MYT1L: variants seen among roughly 807,000 people sequenced by gnomAD.
MYT1L encodes myelin transcription factor 1-like protein.
MYT1L carries 12 observed loss-of-function variants against 126.7 expected under a neutral mutation model. The ratio of observed to expected loss-of-function variants is 0.09; its 90% CI spans 0.06 to 0.15. The LOEUF is 0.15. MYT1L is among the 10% of genes least tolerant of loss of function. MYT1L has a pLI of 1.00. For synonymous variants in MYT1L, 541 were observed against 604.2 expected (o/e 0.90, Z 1.53); for missense variants, 979 against 1,585.2 (o/e 0.62, Z 6.49).
intron 2 of MYT1L, among the ~76,000 whole-genome samples, chr2:2,190,766 G>A (rs527706067): frequency 4.1e-4 from 63 of 152,116 alleles, no homozygotes; most frequent in Non-Finnish European, 7.9e-4. Flanking sequence ...ATGATCAAGC[G>A]TATGGCAGGT....
intron 8 of MYT1L, among the ~76,000 whole-genome samples, chr2:1,956,696 T>A (rs2058510109): frequency 6.6e-6 from 1 of 152,134 alleles, no homozygotes; most frequent in African/African-American, 2.4e-5. Context: ...TACCTGTCTA[T>A]CTTCTTTCTA....
intron 3 of MYT1L, among the ~76,000 whole-genome samples, chr2:2,156,396 G>C (rs968758302): frequency 1.3e-5 from 2 of 152,234 alleles, no homozygotes; most frequent in Non-Finnish European, 2.9e-5. Context: ...GGAGAGAACT[G>C]AGTGTGCAGT....
chr2:1,934,226 G>A (rs1360511570), intron 9 of MYT1L, among the ~76,000 whole-genome samples: 1 of 150,148 alleles, frequency 6.7e-6, no homozygotes, highest in Non-Finnish European at 1.5e-5. Context: ...CTCCCGCCTT[G>A]GCCTCCAAAG....
intron 13 of MYT1L, 131 bp from the exon 14 acceptor site, chr2:1,903,425 C>A (rs1558339024): frequency 1.4e-6 from 1 of 708,328 alleles, no homozygotes; most frequent in Admixed American, 3.0e-5. Flanking sequence ...ACTAAAACTA[C>A]AACTTTTTTA....
At chr2:2,004,797 T>G (rs200042762) in intron 4 of MYT1L, among the ~76,000 whole-genome samples, 5,708 of 69,624 alleles carry the variant, frequency 0.082, 171 homozygotes, top group African/African-American at 0.11. Flanking sequence ...CTTTCCTGCA[T>G]GTGTTCTTTC....
intron 15 of MYT1L, among the ~76,000 whole-genome samples, chr2:1,891,054 C>A (rs550365760): frequency 1.1e-3 from 160 of 152,286 alleles, no homozygotes; most frequent in Middle Eastern, 3.4e-3. Context: ...GCTAACCTTG[C>A]ATTTTTGCAA....
rs1415941924 is a variant in MYT1L at position 1,791,096 on chromosome 2, G to A, written c.*771C>T. ...AGTCACAACCATGTAACGCTTAGGA[G>A]TTAATTTAAAAGTGCTGTTTAAGCT... On this transcript the variant is annotated 3_prime_UTR_variant, in exon 25 of 25. Coordinates refer to ENST00000647738, the MANE Select transcript of MYT1L (RefSeq NM_001303052.2). This position sits in a 1 kb window ranked among gnomAD's most constrained non-coding sequence, Gnocchi z 6.0. 4 of 413,096 alleles carry A rather than the reference G, an allele frequency of 9.7e-6. No individual in the cohort carries two copies. Among genetic ancestry groups the A allele is most frequent in the African/African-American group, 8.4e-5 (4 of 47,880 alleles). 25.6% of individuals were successfully genotyped at this position (413,096 alleles called of 1,614,324 possible).
rs117957191 is a variant in MYT1L, at chr2:2,048,679, T to C, written c.-158+5299A>G. Among the ~76,000 whole-genome samples the C allele has an allele frequency of 1.3e-4, 20 of 152,258 alleles. No individual in the cohort carries two copies. The East Asian group carries it at 3.7e-3, about 28-fold the overall frequency. On this transcript the variant is annotated intron_variant, in intron 4 of 24. Coordinates refer to ENST00000647738, the MANE Select transcript of MYT1L (RefSeq NM_001303052.2). ...CCCTGGTGTCTAAATCCCTTGACAATATCTGACTGCCCCTTAGATCTGAAT... is the reference window on the plus strand; with the variant it reads ...CCCTGGTGTCTAAATCCCTTGACAACATCTGACTGCCCCTTAGATCTGAAT...
intron 3 of MYT1L, among the ~76,000 whole-genome samples, chr2:2,146,397 A>C (rs2084880941): frequency 6.6e-6 from 1 of 152,084 alleles, no homozygotes; most frequent in African/African-American, 2.4e-5. Context: ...CGGGCAGAGC[A>C]CCTGGGACGA....
intron 1 of MYT1L, among the ~76,000 whole-genome samples, chr2:2,321,451 C>G (rs1008603203): frequency 3.9e-5 from 6 of 152,206 alleles, no homozygotes; most frequent in East Asian, 1.9e-4. Flanking sequence ...ATGGCACAGG[C>G]TGGTGGAATT....
intron 21 of MYT1L, among the ~76,000 whole-genome samples, chr2:1,826,398 G>A (rs2039342083): frequency 6.6e-6 from 1 of 152,184 alleles, no homozygotes; most frequent in South Asian, 2.1e-4. Flanking sequence ...GAGTGCTTCA[G>A]GAGGGAATCT....
At chr2:2,157,503 A>G (rs2086922729) in intron 3 of MYT1L, among the ~76,000 whole-genome samples, 1 of 152,156 alleles carries the variant, frequency 6.6e-6, no homozygotes, top group African/African-American at 2.4e-5. Context: ...AATGGTTAAT[A>G]TTTTAATTTC....
chr2:2,150,956 A>G (rs888710403), intron 3 of MYT1L, among the ~76,000 whole-genome samples: 1 of 151,980 alleles, frequency 6.6e-6, no homozygotes, highest in Non-Finnish European at 1.5e-5. Context: ...AAAGAATGGA[A>G]AAAGACAATG....
intron 9 of MYT1L, among the ~76,000 whole-genome samples, chr2:1,935,305 G>A (rs1305180257): frequency 6.6e-6 from 1 of 152,062 alleles, no homozygotes; most frequent in Admixed American, 6.6e-5. Context: ...GCAACCCAGT[G>A]CCCTTCTGGG....
chr2:1,970,661 T>A (rs1367112178), intron 8 of MYT1L, among the ~76,000 whole-genome samples: 2 of 152,136 alleles, frequency 1.3e-5, no homozygotes. Flanking sequence ...CACTGTCACA[T>A]CAGGACTCCC....
At chr2:2,188,585 TCAGA>T (rs1183249554) in intron 2 of MYT1L, among the ~76,000 whole-genome samples, 1 of 152,052 alleles carries the variant, frequency 6.6e-6, no homozygotes, top group Admixed American at 6.6e-5. Flanking sequence ...CTATTAAGAG[TCAGA>T]CAGACGGCAT....
At chr2:2,285,889 A>C (rs1005914900) in intron 1 of MYT1L, among the ~76,000 whole-genome samples, 1 of 151,704 alleles carries the variant, frequency 6.6e-6, no homozygotes, top group African/African-American at 2.4e-5. Context: ...GCTCTTCCCA[A>C]CTCGAGGGTG....
chr2:1,838,114 A>G (rs1352978807), intron 21 of MYT1L, among the ~76,000 whole-genome samples: 1 of 152,004 alleles, frequency 6.6e-6, no homozygotes, highest in African/African-American at 2.4e-5. Flanking sequence ...GGGTTTCACC[A>G]TGTTGGCCAG....
chr2:1,824,225 T>C (rs1010711430), intron 21 of MYT1L, among the ~76,000 whole-genome samples: 3 of 152,258 alleles, frequency 2.0e-5, no homozygotes, highest in African/African-American at 7.2e-5. Context: ...TTTAGATACA[T>C]GACCCCAACC....
Sources: allele counts gnomAD v4.1 joint callset (sites outside exome capture counted in the v4.1 genomes callset), GRCh38; gene constraint gnomAD v4.1.1; non-coding constraint Gnocchi (gnomAD v3.1); transcripts MANE v1.5; gene names NCBI Gene and HGNC (gene_info 2026-07-23, HGNC 2026-07-21).